Variants in GRB2 observed in about 807,000 individuals in gnomAD.
GRB2 encodes the protein growth factor receptor-bound protein 2.
A neutral mutation model predicts 27.4 loss-of-function variants in GRB2; 2 were observed. The ratio of observed to expected loss-of-function variants is 0.07; its 90% CI spans 0.03 to 0.23. GRB2 has a LOEUF of 0.23. GRB2 is among the 10% of genes least tolerant of loss of function. The pLI, the probability that GRB2 is intolerant of heterozygous loss-of-function variation, is 1.00. For missense variants in GRB2, 102 were observed against 282.4 expected (o/e 0.36, Z 4.58); for synonymous variants, 94 against 99.6 (o/e 0.94, Z 0.33).
chr17:75,398,836 C>T (rs1439163839), intron 1 of GRB2, among the ~76,000 whole-genome samples: 1 of 152,144 alleles, frequency 6.6e-6, no homozygotes, highest in Non-Finnish European at 1.5e-5. Context: ...CAACCTCCAC[C>T]TCCTGGGTTC....
chr17:75,401,269 C>T (rs891737800), intron 1 of GRB2, among the ~76,000 whole-genome samples: 5 of 151,472 alleles, frequency 3.3e-5, no homozygotes, highest in Admixed American at 3.3e-4. Context: ...CAAGGTGAAA[C>T]CCCGTCTCTA....
chr17:75,369,400 G>T (rs1276633010), intron 2 of GRB2, among the ~76,000 whole-genome samples: 2 of 152,094 alleles, frequency 1.3e-5, no homozygotes, highest in Admixed American at 6.5e-5. Flanking sequence ...ATGAGCCAAA[G>T]ATATGAAAAT....
intron 3 of GRB2, among the ~76,000 whole-genome samples, chr17:75,329,084 G>A (rs1057464066): frequency 1.2e-4 from 18 of 152,066 alleles, no homozygotes; most frequent in African/African-American, 3.9e-4. Flanking sequence ...TATGCAGCAT[G>A]CATCTGACTG....
intron 2 of GRB2, among the ~76,000 whole-genome samples, chr17:75,365,320 C>G (rs2078812148): frequency 6.6e-6 from 1 of 152,138 alleles, no homozygotes; most frequent in Non-Finnish European, 1.5e-5. Flanking sequence ...AAACAAAACC[C>G]CGAAACCTCT....
chr17:75,325,381 G>A (rs936559010), intron 4 of GRB2, among the ~76,000 whole-genome samples: 1 of 152,156 alleles, frequency 6.6e-6, no homozygotes. Flanking sequence ...TCTCCATGGC[G>A]GCAGAACTTC....
chr17:75,349,823 T>C (rs907489852), intron 2 of GRB2, among the ~76,000 whole-genome samples: 5 of 152,030 alleles, frequency 3.3e-5, no homozygotes, highest in Non-Finnish European at 7.4e-5. Flanking sequence ...CACCACACCC[T>C]GCTGACTCAG....
chr17:75,369,730 A>G (rs1870334529), intron 2 of GRB2, among the ~76,000 whole-genome samples: 3 of 150,482 alleles, frequency 2.0e-5, no homozygotes, highest in Admixed American at 6.6e-5. Context: ...GTGGGGGTGC[A>G]TGCCTGTAGT....
chr17:75,355,208 G>T (rs73996034), intron 2 of GRB2, among the ~76,000 whole-genome samples: 187 of 152,250 alleles, frequency 1.2e-3, no homozygotes, highest in African/African-American at 4.4e-3. Context: ...CATTAACTCA[G>T]TTATTTTCCT....
intron 4 of GRB2, among the ~76,000 whole-genome samples, chr17:75,322,974 C>T (rs2078470613): frequency 6.6e-6 from 1 of 151,872 alleles, no homozygotes; most frequent in Admixed American, 6.6e-5. Context: ...AAAAAATTAG[C>T]CAGGTGTGGT....
intron 2 of GRB2, among the ~76,000 whole-genome samples, chr17:75,334,328 G>A (rs1197770018): frequency 1.3e-5 from 2 of 151,880 alleles, no homozygotes; most frequent in African/African-American, 2.4e-5. Flanking sequence ...CTGCCACCAC[G>A]CCCGGCTAAT....
At position 75,366,471 on chromosome 17, in the gene GRB2, C is replaced by G. The variant is rs370399292; in HGVS notation, c.78+27080G>C. Among the ~76,000 whole-genome samples, 10 of 134,152 alleles carry G rather than the reference C, an allele frequency of 7.5e-5. No individual in the cohort carries two copies. In the East Asian group the frequency reaches 2.1e-3, roughly 28 times the overall value. 88.0% of individuals were successfully genotyped at this position (134,152 alleles called of 152,430 possible). A position where few individuals can be genotyped will look rare whatever the true frequency, so the allele number is the denominator to read the frequency against. On this transcript the variant is annotated intron_variant, in intron 2 of 5. Transcript: ENST00000316804. ...GCTGGCACAGGCAATCATTTGAACCCTTGAACACAGGAGTTTGAGATCAGC... is the reference window on the plus strand; with the variant it reads ...GCTGGCACAGGCAATCATTTGAACCGTTGAACACAGGAGTTTGAGATCAGC...
intron 2 of GRB2, among the ~76,000 whole-genome samples, chr17:75,361,015 T>A (rs1479331726): frequency 6.6e-6 from 1 of 151,956 alleles, no homozygotes; most frequent in Non-Finnish European, 1.5e-5. Context: ...CAAGCGATCC[T>A]CCCACCTTAG....
At chr17:75,353,184 C>A (rs946530087) in intron 2 of GRB2, among the ~76,000 whole-genome samples, 123 of 124,480 alleles carry the variant, frequency 9.9e-4, no homozygotes, top group Middle Eastern at 4.0e-3. Flanking sequence ...GACTCCGTCT[C>A]AAAAAAAAAA....
intron 1 of GRB2, among the ~76,000 whole-genome samples, chr17:75,401,844 A>G (rs1183908543): frequency 6.6e-6 from 1 of 152,262 alleles, no homozygotes; most frequent in African/African-American, 2.4e-5. Flanking sequence ...CTAATTATCC[A>G]CTATAGTGTG....
chr17:75,327,459 C>T lies in GRB2; in HGVS notation c.177-1439G>A, dbSNP rs59151391. Among the ~76,000 whole-genome samples, 516 of 151,788 alleles carry T rather than the reference C, an allele frequency of 3.4e-3. 4 individuals carry two copies. The highest frequency in any genetic ancestry group is 0.012 in the African/African-American group (501 of 41,352). On this transcript the variant is annotated intron_variant, in intron 3 of 5. Coordinates refer to ENST00000316804, the MANE Select transcript of GRB2 (RefSeq NM_002086.5). The stretch of plus-strand genomic sequence containing the variant: ...GATCTCGGCTCACTGCAACCTTCGC[C>T]TCCTGGGTTCAAGCAATTCTCCTGC...
At position 75,373,404 on chromosome 17, in the gene GRB2, CAT is replaced by C. The variant is rs1416794087; in HGVS notation, c.78+20145_78+20146del. ...ATGCCGTGCCGCTATCAATATGGCTCATGTCTACTTTTATAACTCTGCCAAAC... is the reference window on the plus strand; with the variant it reads ...ATGCCGTGCCGCTATCAATATGGCTCGTCTACTTTTATAACTCTGCCAAAC... On this transcript the variant is annotated intron_variant, in intron 2 of 5. Transcript: ENST00000316804. 4 of 152,190 alleles carry C rather than the reference CAT, an allele frequency of 2.6e-5. No individual in the cohort carries two copies. The East Asian group carries it at 7.7e-4, about 29-fold the overall frequency. The allele number at this position is 152,190 out of a possible 1,614,324, so 9.4% of individuals were successfully genotyped here.
In GRB2 at chr17:75,354,264, T is replaced by TTGG. The variant is rs1555610715; in HGVS notation, c.79-21468_79-21467insCCA. Among the ~76,000 whole-genome samples, 224 of 38,234 alleles carry TTGG rather than the reference T, an allele frequency of 5.9e-3. 33 individuals are homozygous for TTGG. Among genetic ancestry groups the TTGG allele is most frequent in the African/African-American group, 0.016 (192 of 11,990 alleles). 25.1% of individuals were successfully genotyped at this position (38,234 alleles called of 152,430 possible). A position where few individuals can be genotyped will look rare whatever the true frequency, so the allele number is the denominator to read the frequency against. The stretch of plus-strand genomic sequence containing the variant: ...AAAGTTTATTCATGGTCTTTTTTTT[T>TTGG]GGGGGGGGGGGGGAGATGGAGTTTC... On this transcript the variant is annotated intron_variant, in intron 2 of 5. Coordinates refer to ENST00000316804, the MANE Select transcript of GRB2 (RefSeq NM_002086.5).
At chr17:75,397,800 T>G (rs2079037429) in intron 1 of GRB2, among the ~76,000 whole-genome samples, 1 of 149,970 alleles carries the variant, frequency 6.7e-6, no homozygotes. Context: ...GAGCCCGACA[T>G]GTAATAATCA....
chr17:75,376,208 C>T lies in GRB2; in HGVS notation c.78+17343G>A, dbSNP rs536968100. ...AATACAAGAAATCAGCCAGGCGTGT[C>T]GGCATGCGCCTATATAGTCCCAGCT... On this transcript the variant is annotated intron_variant, in intron 2 of 5. Coordinates refer to ENST00000316804, the MANE Select transcript of GRB2 (RefSeq NM_002086.5). 1.4e-4 allele frequency among the ~76,000 whole-genome samples: 20 copies of T among 145,384 alleles called. No homozygotes were observed. In the East Asian group the frequency reaches 2.6e-3, roughly 19 times the overall value.
Sources: gnomAD v4.1 joint callset for allele counts (sites outside exome capture counted in the v4.1 genomes callset) on GRCh38, gnomAD v4.1.1 for gene constraint, MANE v1.5 for transcripts, NCBI Gene and HGNC (gene_info 2026-07-23, HGNC 2026-07-21) for gene names.